The following TRIM36 variants were observed in gnomAD, a reference collection of about 807,000 sequenced individuals.
TRIM36 encodes E3 ubiquitin-protein ligase TRIM36.
In TRIM36, 42 loss-of-function variants were observed where a neutral mutation model predicts 72.4. The observed-to-expected ratio is 0.58, with a 90% CI of 0.45 to 0.75. The LOEUF is 0.75. Ranked by LOEUF, TRIM36 falls within the 30% of genes least tolerant of loss-of-function variation. The pLI is 0.00. For missense variants in TRIM36, 913 were observed against 857.1 expected, an observed-to-expected ratio of 1.07 and a Z score of -0.81; for synonymous variants, 315 against 282.8, an observed-to-expected ratio of 1.11 and a Z score of -1.14.
rs574312134 is a variant in TRIM36 at position 115,131,263 on chromosome 5, T to C, written c.1499-374A>G. On this transcript the variant is annotated intron_variant, in intron 8 of 9. Coordinates refer to ENST00000513154, the MANE Select transcript of TRIM36 (RefSeq NM_001300759.2). ...AAGAGTTGTAAATTTTCATAAATAG[T>C]TCTACATTTTCTTATTGAAAGTTTT... 2.0e-5 allele frequency among the ~76,000 whole-genome samples: 3 copies of C among 152,294 alleles called. No individual in the cohort carries two copies. In the South Asian group the frequency reaches 6.2e-4, roughly 32 times the overall value.
At chr5:115,162,284 G>C (rs963722632) in intron 2 of TRIM36, among the ~76,000 whole-genome samples, 1 of 152,134 alleles carries the variant, frequency 6.6e-6, no homozygotes, top group Admixed American at 6.5e-5. Context: ...TGCTATTTCG[G>C]ATCTAGACAG....
chr5:115,170,599 C>T (rs556390516), upstream of TRIM36, among the ~76,000 whole-genome samples: 2 of 152,342 alleles, frequency 1.3e-5, no homozygotes, highest in East Asian at 3.9e-4. Flanking sequence ...CTTAATAGTC[C>T]CTGACTGGGC....
intron 7 of TRIM36, among the ~76,000 whole-genome samples, chr5:115,135,295 T>C (rs561558266): frequency 5.9e-5 from 9 of 152,298 alleles, no homozygotes; most frequent in African/African-American, 2.2e-4. Context: ...CCTCTCCTTA[T>C]TCCCCAATGT....
At position 115,169,608 on chromosome 5, in the gene TRIM36, C is replaced by T. The variant is rs1010705184; in HGVS notation, c.27G>A (p.Pro9=). The T allele has an allele frequency of 6.6e-7, 1 of 1,521,630 alleles. No homozygotes were observed. Among genetic ancestry groups the T allele is most frequent in the Admixed American group, 2.1e-5 (1 of 48,488 alleles). 94.3% of individuals were successfully genotyped at this position (1,521,630 alleles called of 1,614,324 possible). A position where few individuals can be genotyped will look rare whatever the true frequency, so the allele number is the denominator to read the frequency against. The change falls in exon 1 of 10, where the codon CCG becomes CCA. Residue 9 remains proline (P), a splice_region_variant and synonymous_variant. Coordinates refer to ENST00000513154, the MANE Select transcript of TRIM36 (RefSeq NM_001300759.2). MEGDGSDS[P]VTIKNIEREL... ...GGGCGGCGGTCCCCTCCGCACTCAC[C>T]GGCGAATCTGAGCCATCGCCCTCCA...
At chr5:115,161,190 G>C (rs1021458690) in intron 2 of TRIM36, among the ~76,000 whole-genome samples, 90 of 140,084 alleles carry the variant, frequency 6.4e-4, no homozygotes, top group African/African-American at 2.2e-3. Context: ...AGGGGTATGT[G>C]TCTTTAAAAA....
At position 115,169,700 on chromosome 5, in the gene TRIM36, T is replaced by C. The variant is rs965403137; in HGVS notation, c.-66A>G. The C allele has an allele frequency of 2.0e-5, 30 of 1,503,430 alleles. No homozygotes were observed. The highest frequency in any genetic ancestry group is 2.5e-5 in the Non-Finnish European group (28 of 1,127,556). The allele number at this position is 1,503,430 out of a possible 1,614,324, so 93.1% of individuals were successfully genotyped here. A position where few individuals can be genotyped will look rare whatever the true frequency, so the allele number is the denominator to read the frequency against. On this transcript the variant is annotated 5_prime_UTR_variant, in exon 1 of 10. Coordinates refer to ENST00000513154, the MANE Select transcript of TRIM36 (RefSeq NM_001300759.2). Reference sequence around the variant, plus strand: ...CACACCGGCTACCGAGCGCAGGGTCTGGTGGGCGGGTCCCTGCGGCGGCCG... The same window carrying C: ...CACACCGGCTACCGAGCGCAGGGTCCGGTGGGCGGGTCCCTGCGGCGGCCG...
intron 8 of TRIM36, among the ~76,000 whole-genome samples, chr5:115,132,073 T>C (rs113274235): frequency 1.3e-5 from 2 of 152,008 alleles, no homozygotes; most frequent in African/African-American, 4.8e-5. Flanking sequence ...CCAGGCATCA[T>C]AGTGCACACC....
At chr5:115,141,711 G>C (rs1490019818) in intron 4 of TRIM36, among the ~76,000 whole-genome samples, 2 of 151,972 alleles carry the variant, frequency 1.3e-5, no homozygotes. Flanking sequence ...TAAGTAAATG[G>C]AAGAACAGCA....
intron 4 of TRIM36, among the ~76,000 whole-genome samples, chr5:115,143,730 G>T (rs141101981): frequency 3.1e-4 from 47 of 152,252 alleles, no homozygotes; most frequent in African/African-American, 1.1e-3. Context: ...GTACATAGAT[G>T]ATTTCTTTTA....
intron 2 of TRIM36, among the ~76,000 whole-genome samples, chr5:115,157,423 A>G (rs1393393668): frequency 1.3e-5 from 2 of 152,002 alleles, no homozygotes; most frequent in Non-Finnish European, 2.9e-5. Context: ...AATTAGCCAG[A>G]TGTGGTGGTG....
intron 9 of TRIM36, among the ~76,000 whole-genome samples, chr5:115,128,758 CAAAAAAAAAAAAAA>C (rs58384978): frequency 2.3e-4 from 11 of 47,014 alleles, no homozygotes; most frequent in East Asian, 4.1e-4. Context: ...GACTCCGTCT[CAAAAAAAAAAAAAA>C]AAAAAAAAAA....
chr5:115,168,385 T>C (rs2126943424), intron 1 of TRIM36, among the ~76,000 whole-genome samples: 1 of 152,342 alleles, frequency 6.6e-6, no homozygotes, highest in East Asian at 1.9e-4. Context: ...ATGAATCCTA[T>C]AGTCAGCATC....
intron 1 of TRIM36, among the ~76,000 whole-genome samples, chr5:115,166,233 T>C (rs969178673): frequency 6.6e-5 from 10 of 152,062 alleles, no homozygotes; most frequent in Non-Finnish European, 1.5e-4. Flanking sequence ...ACAGTGAATT[T>C]TCCAGGCCCA....
intron 1 of TRIM36, among the ~76,000 whole-genome samples, chr5:115,179,082 G>C (rs915033437): frequency 1.3e-5 from 2 of 152,184 alleles, no homozygotes; most frequent in Non-Finnish European, 2.9e-5. Flanking sequence ...CAGGCGCAGA[G>C]GGCAAACGCT....
rs148537675 is a variant in TRIM36 at position 115,179,979 on chromosome 5, C to T, written c.59G>A (p.Gly20Asp). 1.7e-4 allele frequency: 280 copies of T among 1,614,052 alleles called. 1 individual carries two copies. Among genetic ancestry groups the T allele is most frequent in the Middle Eastern group, 1.2e-3 (7 of 6,062 alleles). Residue 20 changes from glycine to aspartate, a missense_variant, in exon 1 of 10, where the codon GGC becomes GAC. Physicochemically the swap from Gly to Asp is moderately conservative, Grantham distance 94. Transcript: ENST00000282369. ...GCCCCGCGCCTCATCACTTACCTTG[C>T]CTTTAGCTATCAATTCCATGATGTA...
At chr5:115,159,503 G>A (rs144029374) in intron 2 of TRIM36, 19 of 268,996 alleles carry the variant, frequency 7.1e-5, no homozygotes, top group Admixed American at 6.1e-4. Flanking sequence ...CCTTTAAGTC[G>A]TTTCAGCCCA....
At position 115,129,295 on chromosome 5, in the gene TRIM36, G is replaced by A. The variant is rs112967580; in HGVS notation, c.1796+1297C>T. ...AAGAAACTACAGGCCAGGTGCGGTG[G>A]CTCACGCCTGTAATCCCAGCACTTT... On this transcript the variant is annotated intron_variant, in intron 9 of 9. Coordinates refer to ENST00000513154, the MANE Select transcript of TRIM36 (RefSeq NM_001300759.2). Among the ~76,000 whole-genome samples, 14 of 152,328 alleles carry A rather than the reference G, an allele frequency of 9.2e-5. 1 individual carries two copies. Among genetic ancestry groups the A allele is most frequent in the African/African-American group, 3.1e-4 (13 of 41,576 alleles).
At chr5:115,136,919 A>T in intron 7 of TRIM36, 81 bp downstream of exon 7, 11 of 1,375,610 alleles carry the variant, frequency 8.0e-6, no homozygotes, top group Non-Finnish European at 1.1e-5. Flanking sequence ...ATAATGTCAA[A>T]TTTAAGAGAA....
intron 1 of TRIM36, among the ~76,000 whole-genome samples, chr5:115,178,620 T>C (rs1039645393): frequency 1.3e-5 from 2 of 152,126 alleles, no homozygotes; most frequent in Non-Finnish European, 2.9e-5. Context: ...TACTGGACAG[T>C]GTGTGCTGAA....
Sources: gnomAD v4.1 joint callset for allele counts (sites outside exome capture counted in the v4.1 genomes callset) on GRCh38, gnomAD v4.1.1 for gene constraint, MANE v1.5 for transcripts, NCBI Gene and HGNC (gene_info 2026-07-23, HGNC 2026-07-21) for gene names.